NOL10: variants seen among roughly 807,000 people sequenced by gnomAD.
NOL10 encodes nucleolar protein 10.
NOL10 carries 58 observed loss-of-function variants against 103.5 expected under a neutral mutation model. That is an observed-to-expected ratio of 0.56 (90% CI 0.45 to 0.70). The LOEUF (loss-of-function observed/expected upper bound fraction) is 0.70. NOL10 is among the 30% of genes least tolerant of loss of function. The pLI is 0.00. For synonymous variants in NOL10, 287 were observed against 282.5 expected (o/e 1.02, Z -0.16); for missense variants, 763 against 807.3 (o/e 0.95, Z 0.67).
intron 13 of NOL10, among the ~76,000 whole-genome samples, chr2:10,624,824 A>C (rs187827051): frequency 2.0e-4 from 31 of 152,346 alleles, no homozygotes; most frequent in African/African-American, 7.5e-4. Flanking sequence ...CTACACGAGA[A>C]TGTTTAGAGC....
chr2:10,681,578 A>G (rs1681760216), intron 3 of NOL10, among the ~76,000 whole-genome samples: 1 of 152,220 alleles, frequency 6.6e-6, no homozygotes, highest in African/African-American at 2.4e-5. Flanking sequence ...GGATCTGTGC[A>G]TTTCACCAAT....
intron 17 of NOL10, among the ~76,000 whole-genome samples, chr2:10,594,897 T>C (rs1358255928): frequency 6.6e-6 from 1 of 152,078 alleles, no homozygotes; most frequent in Non-Finnish European, 1.5e-5. Flanking sequence ...CTTGAGAGGC[T>C]GAGGTGAGAG....
rs544376734 is a variant in NOL10, at chr2:10,679,803, T to C, written c.211+2168A>G. On this transcript the variant is annotated intron_variant, in intron 3 of 20. Coordinates refer to ENST00000381685, the MANE Select transcript of NOL10 (RefSeq NM_024894.4). ...CCATGCCCAGCTAATTTATTTTTTA[T>C]AGGGACAGGATTTCACCATGTTGGG... is the stretch of plus-strand genomic sequence containing the variant. Among the ~76,000 whole-genome samples the C allele has an allele frequency of 5.3e-5, 8 of 152,264 alleles. No homozygotes were observed. The South Asian group carries it at 1.0e-3, about 20-fold the overall frequency.
At position 10,685,479 on chromosome 2, in the gene NOL10, G is replaced by C. The variant is rs372643403; in HGVS notation, c.67-867C>G. On this transcript the variant is annotated intron_variant, in intron 1 of 20. Coordinates refer to ENST00000381685, the MANE Select transcript of NOL10 (RefSeq NM_024894.4). ...CTACACTCCGGCCTGGTGACTGAGAGAGACTCCGTCCCCCCCCCCCCCCCC... is the reference window on the plus strand; with the variant it reads ...CTACACTCCGGCCTGGTGACTGAGACAGACTCCGTCCCCCCCCCCCCCCCC... Among the ~76,000 whole-genome samples, 106 of 78,324 alleles carry C rather than the reference G, an allele frequency of 1.4e-3. 1 individual carries two copies. The Middle Eastern group carries it at 0.028, about 21-fold the overall frequency. 51.4% of individuals were successfully genotyped at this position (78,324 alleles called of 152,430 possible). A position where few individuals can be genotyped will look rare whatever the true frequency, so the allele number is the denominator to read the frequency against.
intron 13 of NOL10, among the ~76,000 whole-genome samples, chr2:10,643,989 C>T (rs773157305): frequency 6.6e-6 from 1 of 152,166 alleles, no homozygotes; most frequent in African/African-American, 2.4e-5. Context: ...GTGGCTCACA[C>T]CTGTAATCCC....
intron 8 of NOL10, among the ~76,000 whole-genome samples, chr2:10,665,999 T>C (rs1680544629): frequency 6.6e-6 from 1 of 152,248 alleles, no homozygotes; most frequent in Admixed American, 6.5e-5. Flanking sequence ...GCAGTGAGCA[T>C]GGTAGCCAAC....
intron 6 of NOL10, among the ~76,000 whole-genome samples, chr2:10,670,460 C>T (rs755442929): frequency 1.8e-4 from 28 of 152,098 alleles, no homozygotes; most frequent in Admixed American, 7.9e-4. Context: ...CAGGGCCGGG[C>T]ACCGTGGCTC....
At chr2:10,667,330 T>C (rs1572410264) in intron 7 of NOL10, 52 bp from the exon 8 acceptor site, 2 of 1,254,360 alleles carry the variant, frequency 1.6e-6, no homozygotes, top group East Asian at 5.0e-5. Flanking sequence ...CCTACTTTAG[T>C]GGGGAAGGAA....
intron 12 of NOL10, among the ~76,000 whole-genome samples, chr2:10,648,217 T>C (rs1439073819): frequency 1.3e-5 from 2 of 152,116 alleles, no homozygotes; most frequent in Non-Finnish European, 2.9e-5. Context: ...TACAAAACCA[T>C]AATCATGATT....
chr2:10,605,167 G>A (rs1340356539), intron 14 of NOL10, among the ~76,000 whole-genome samples: 4 of 152,214 alleles, frequency 2.6e-5, no homozygotes, highest in African/African-American at 7.2e-5. Context: ...AAGGTGGGAT[G>A]TAAACCCATG....
At chr2:10,686,562 G>A (rs772211986) in intron 1 of NOL10, among the ~76,000 whole-genome samples, 19 of 152,202 alleles carry the variant, frequency 1.2e-4, no homozygotes, top group Non-Finnish European at 1.3e-4. Context: ...ATAACAGACT[G>A]TGGAATAAAG....
At chr2:10,627,491 C>A (rs1190021585) in intron 13 of NOL10, among the ~76,000 whole-genome samples, 1 of 151,940 alleles carries the variant, frequency 6.6e-6, no homozygotes, top group Non-Finnish European at 1.5e-5. Context: ...TTGGCTAACA[C>A]AGTGAAACCC....
chr2:10,572,269 C>T, intron 20 of NOL10, 79 bp from the exon 21 acceptor site: 4 of 1,455,472 alleles, frequency 2.7e-6, no homozygotes, highest in Admixed American at 1.7e-5. Context: ...AGGCTGCCAA[C>T]AGTACCACCA....
intron 13 of NOL10, chr2:10,634,455 A>G (rs1414874091): frequency 2.2e-6 from 1 of 454,868 alleles, no homozygotes; most frequent in Non-Finnish European, 4.4e-6. Context: ...GAGCTGGATC[A>G]GAAGTTCTGA....
At chr2:10,585,624 T>C (rs1674988141) in intron 19 of NOL10, among the ~76,000 whole-genome samples, 1 of 152,236 alleles carries the variant, frequency 6.6e-6, no homozygotes, top group Non-Finnish European at 1.5e-5. Context: ...GGAGTGGAGT[T>C]GTCCCTTGGT....
chr2:10,583,711 C>G (rs973566057), intron 19 of NOL10, among the ~76,000 whole-genome samples: 1 of 152,204 alleles, frequency 6.6e-6, no homozygotes, highest in African/African-American at 2.4e-5. Flanking sequence ...TCTTAGTCTT[C>G]TGGTCTGTCT....
chr2:10,681,423 T>C (rs1028851476), intron 3 of NOL10, among the ~76,000 whole-genome samples: 4 of 152,170 alleles, frequency 2.6e-5, no homozygotes, highest in Non-Finnish European at 5.9e-5. Context: ...AGGCTAAACT[T>C]GTCTATATTG....
At chr2:10,624,708 C>G (rs920431723) in intron 13 of NOL10, among the ~76,000 whole-genome samples, 30 of 151,366 alleles carry the variant, frequency 2.0e-4, no homozygotes, top group African/African-American at 6.8e-4. Context: ...TATGGAGGAC[C>G]ATCTGGCAAT....
At chr2:10,575,444 T>A (rs1240174169) in intron 20 of NOL10, among the ~76,000 whole-genome samples, 1 of 152,202 alleles carries the variant, frequency 6.6e-6, no homozygotes, top group Middle Eastern at 3.2e-3. Flanking sequence ...ATTTAATAAT[T>A]AAAATGTCTG....
Sources: gnomAD v4.1 joint callset for allele counts (sites outside exome capture counted in the v4.1 genomes callset) on GRCh38, gnomAD v4.1.1 for gene constraint, MANE v1.5 for transcripts, NCBI Gene and HGNC (gene_info 2026-07-23, HGNC 2026-07-21) for gene names.